Variants in KDM1A observed in about 807,000 individuals in gnomAD.
The protein encoded by KDM1A is lysine-specific histone demethylase 1A.
In KDM1A, 49 loss-of-function variants were observed where a neutral mutation model predicts 109.4. The observed-to-expected ratio is 0.45, with a 90% CI of 0.36 to 0.57. The LOEUF is 0.57. Among genes scored for constraint, KDM1A ranks in the 20% least tolerant of loss-of-function variants. KDM1A has a pLI of 0.00. For missense variants in KDM1A, 668 were observed against 1,116.6 expected, an observed-to-expected ratio of 0.60 and a Z score of 5.73; for synonymous variants, 380 against 415.4, an observed-to-expected ratio of 0.91 and a Z score of 1.04.
chr1:23,072,337 G>C (rs1289173289), intron 14 of KDM1A, 140 bp downstream of exon 14: 1 of 658,230 alleles, frequency 1.5e-6, no homozygotes, highest in Non-Finnish European at 2.7e-6. Flanking sequence ...ATGAATGTGT[G>C]ACTACTTTTG....
At chr1:23,042,597 C>T (rs1399162407) in intron 2 of KDM1A, among the ~76,000 whole-genome samples, 10 of 148,934 alleles carry the variant, frequency 6.7e-5, no homozygotes, top group Non-Finnish European at 1.3e-4. Context: ...GGACTACAGG[C>T]GCCCGCCACT....
rs190991288 is a variant in KDM1A at position 23,057,862 on chromosome 1, G to A, written c.1072+297G>A. 2.8e-3 allele frequency: 565 copies of A among 202,702 alleles called. 2 individuals carry two copies. Among genetic ancestry groups the A allele is most frequent in the Non-Finnish European group, 4.7e-3 (490 of 103,754 alleles). 12.6% of individuals were successfully genotyped at this position (202,702 alleles called of 1,614,324 possible). ...TCTGTCACCCAGGCTGGAGTGCAGT[G>A]GCGTGACCTCCACTCACTGCAGTCT... On this transcript the variant is annotated intron_variant, in intron 8 of 20. Coordinates refer to ENST00000400181, the MANE Select transcript of KDM1A (RefSeq NM_001009999.3).
intron 19 of KDM1A, chr1:23,082,000 T>TCGCCGAAA: frequency 1.9e-6 from 1 of 518,036 alleles, no homozygotes; most frequent in South Asian, 2.9e-5. Flanking sequence ...ATCTCTGGAT[T>TCGCCGAAA]CATAGACAGG....
chr1:23,036,195 A>C (rs669731), intron 2 of KDM1A, among the ~76,000 whole-genome samples: 1,927 of 152,098 alleles, frequency 0.013, 53 homozygotes, highest in African/African-American at 0.044. Flanking sequence ...TTTCAGGTTT[A>C]GTGAGGATTG....
chr1:23,063,242 GT>G (rs1643068230), intron 9 of KDM1A, among the ~76,000 whole-genome samples: 1 of 141,368 alleles, frequency 7.1e-6, no homozygotes, highest in Non-Finnish European at 1.5e-5. Flanking sequence ...GTGTGTGTGT[GT>G]GTGTGTGTGT....
chr1:23,027,501 A>AC (rs57814592), intron 1 of KDM1A, among the ~76,000 whole-genome samples: 4,534 of 104,442 alleles, frequency 0.043, 176 homozygotes, highest in African/African-American at 0.12. Context: ...TGTAGCCTTG[A>AC]CCCCCCCCCG....
At chr1:23,044,864 A>G (rs1197861341) in intron 3 of KDM1A, among the ~76,000 whole-genome samples, 3 of 152,218 alleles carry the variant, frequency 2.0e-5, no homozygotes, top group African/African-American at 7.2e-5. Context: ...GTCTAAAAGC[A>G]AAAACAAACG....
chr1:23,053,961 TTGTGC>T (rs1412142945), intron 5 of KDM1A, 122 bp downstream of exon 5: 29 of 643,634 alleles, frequency 4.5e-5, no homozygotes, highest in Non-Finnish European at 1.4e-5. Context: ...TTATTTCACC[TTGTGC>T]TGTGCAAAAA....
At chr1:23,036,079 G>GT (rs113472457) in intron 2 of KDM1A, among the ~76,000 whole-genome samples, 51 of 150,764 alleles carry the variant, frequency 3.4e-4, no homozygotes, top group African/African-American at 7.3e-4. Flanking sequence ...GAACCACTTT[G>GT]TTTTTTTTTA....
rs1409574793 is a variant in KDM1A at position 23,072,127 on chromosome 1, T to C, written c.1552T>C (p.Tyr518His). Residue 518 changes from tyrosine to histidine, a missense_variant, in exon 14 of 21, where the codon TAT becomes CAT. Physicochemically the swap from Tyr to His is moderately conservative, Grantham distance 83 (BLOSUM62 2). Coordinates refer to ENST00000400181, the MANE Select transcript of KDM1A (RefSeq NM_001009999.3). Reference sequence around the variant, plus strand: ...AGGTTCACTTAATTTTTATCAGGAATATGATGAATTAGCTGAAACACAAGG... The same window carrying C: ...AGGTTCACTTAATTTTTATCAGGAACATGATGAATTAGCTGAAACACAAGG... ...HRDLTALCKEYDELAETQGKL... is the reference protein window; with the variant it reads ...HRDLTALCKEHDELAETQGKL... 6.2e-7 allele frequency: 1 copy of C among 1,603,938 alleles called. No homozygotes were observed. Among genetic ancestry groups the C allele is most frequent in the Non-Finnish European group, 8.5e-7 (1 of 1,173,266 alleles).
chr1:23,065,425 A>G (rs1054486468), intron 9 of KDM1A, among the ~76,000 whole-genome samples: 1 of 152,230 alleles, frequency 6.6e-6, no homozygotes, highest in African/African-American at 2.4e-5. Flanking sequence ...TTGATTTCCT[A>G]AGGGACAAGT....
At chr1:23,052,949 C>T (rs761185738) in intron 4 of KDM1A, among the ~76,000 whole-genome samples, 6 of 152,162 alleles carry the variant, frequency 3.9e-5, no homozygotes, top group Non-Finnish European at 7.3e-5. Flanking sequence ...GACCCTATAT[C>T]CATCTATTTT....
intron 1 of KDM1A, among the ~76,000 whole-genome samples, chr1:23,025,872 G>C (rs1055973981): frequency 6.6e-6 from 1 of 152,010 alleles, no homozygotes; most frequent in East Asian, 1.9e-4. Context: ...TGGACAGATC[G>C]ATTGAGCCCA....
At chr1:23,060,961 C>T (rs1362502465) in intron 9 of KDM1A, among the ~76,000 whole-genome samples, 3 of 152,196 alleles carry the variant, frequency 2.0e-5, no homozygotes, top group African/African-American at 7.2e-5. Context: ...AAAGATTAAT[C>T]ACTGATCATT....
At chr1:23,044,934 A>T (rs1642459919) in intron 3 of KDM1A, among the ~76,000 whole-genome samples, 1 of 152,192 alleles carries the variant, frequency 6.6e-6, no homozygotes, top group African/African-American at 2.4e-5. Context: ...ACATCTTTTT[A>T]AAAATGGTTG....
intron 9 of KDM1A, among the ~76,000 whole-genome samples, chr1:23,060,592 G>A (rs141519844): frequency 6.6e-6 from 1 of 152,280 alleles, no homozygotes; most frequent in Non-Finnish European, 1.5e-5. Flanking sequence ...GAGGGAAGGA[G>A]AGCATTTGTA....
chr1:23,050,595 TAAAA>T, intron 4 of KDM1A, 75 bp downstream of exon 4: 1 of 1,226,706 alleles, frequency 8.2e-7, no homozygotes, highest in Non-Finnish European at 1.1e-6. Context: ...ATGGGAAAAA[TAAAA>T]AGAGAAGAAA....
rs147229625 is a variant in KDM1A, at chr1:23,076,868, G to T, written c.1735-360G>T. Reference sequence around the variant, plus strand: ...TCCCAGCAGTTACTTGGGAGGCTGAGGCAAGAGAATCACTTGAACCCAGGA... The same window carrying T: ...TCCCAGCAGTTACTTGGGAGGCTGATGCAAGAGAATCACTTGAACCCAGGA... On this transcript the variant is annotated intron_variant, in intron 15 of 20. Transcript: ENST00000400181. 7.2e-5 allele frequency among the ~76,000 whole-genome samples: 11 copies of T among 152,010 alleles called. No individual in the cohort carries two copies. The East Asian group carries it at 2.1e-3, about 29-fold the overall frequency.
chr1:23,070,523 A>G (rs1394454956), intron 12 of KDM1A, among the ~76,000 whole-genome samples: 1 of 151,938 alleles, frequency 6.6e-6, no homozygotes, highest in East Asian at 1.9e-4. Context: ...AAAACACATT[A>G]TAGGACCAGG....
Sources: allele counts gnomAD v4.1 joint callset (sites outside exome capture counted in the v4.1 genomes callset), GRCh38; gene constraint gnomAD v4.1.1; transcripts MANE v1.5; gene names NCBI Gene and HGNC (gene_info 2026-07-23, HGNC 2026-07-21).